TLL1: variants seen among roughly 807,000 people sequenced by gnomAD.
TLL1 encodes tolloid like 1, also known as tolloid-like protein 1.
Under a neutral mutation model 128.2 loss-of-function variants are expected in TLL1, and 49 were observed. That is an observed-to-expected ratio of 0.38 (90% CI 0.30 to 0.48). The LOEUF (loss-of-function observed/expected upper bound fraction) is 0.48, where lower values mean the gene tolerates loss of function less well. TLL1 is among the 20% of genes least tolerant of loss of function. The pLI, the probability that TLL1 is intolerant of heterozygous loss-of-function variation, is 0.96. For missense variants in TLL1, 1,123 were observed against 1,242.0 expected, an observed-to-expected ratio of 0.90 and a Z score of 1.44; for synonymous variants, 454 against 418.8, an observed-to-expected ratio of 1.08 and a Z score of -1.03.
intron 5 of TLL1, among the ~76,000 whole-genome samples, chr4:165,995,591 C>T (rs1445995089): frequency 6.6e-6 from 1 of 152,148 alleles, no homozygotes; most frequent in East Asian, 1.9e-4. Context: ...CATCTCACAC[C>T]TGGTCTGTTT....
intron 9 of TLL1, among the ~76,000 whole-genome samples, chr4:166,033,767 G>C (rs1445853333): frequency 6.6e-6 from 1 of 152,126 alleles, no homozygotes; most frequent in East Asian, 1.9e-4. Context: ...GATGTTGCAT[G>C]GTTCATGCTG....
intron 15 of TLL1, among the ~76,000 whole-genome samples, chr4:166,064,443 A>T (rs942909256): frequency 3.9e-5 from 6 of 152,122 alleles, no homozygotes; most frequent in African/African-American, 7.2e-5. Context: ...TTCTGAAAGC[A>T]TTATTCTCAT....
intron 8 of TLL1, among the ~76,000 whole-genome samples, chr4:166,019,353 C>T (rs1738106099): frequency 6.6e-6 from 1 of 152,126 alleles, no homozygotes. Flanking sequence ...CAGTTAGGTT[C>T]TATGCTCACT....
intron 8 of TLL1, 126 bp from the exon 9 acceptor site, chr4:166,025,190 C>T (rs1738434262): frequency 1.0e-5 from 7 of 674,172 alleles, no homozygotes; most frequent in African/African-American, 1.8e-5. Flanking sequence ...AGAAAGGAAA[C>T]GTCTTCTATA....
At chr4:165,960,604 GTTAA>G (rs1387547563) in intron 1 of TLL1, among the ~76,000 whole-genome samples, 1 of 152,092 alleles carries the variant, frequency 6.6e-6, no homozygotes, top group African/African-American at 2.4e-5. Flanking sequence ...ATATCAAAAA[GTTAA>G]TTCACCACAA....
chr4:165,904,058 T>C (rs1438166361), intron 1 of TLL1, among the ~76,000 whole-genome samples: 1 of 152,178 alleles, frequency 6.6e-6, no homozygotes, highest in East Asian at 1.9e-4. Context: ...TCTTTTGTTA[T>C]TTTGTAATTT....
chr4:166,028,955 A>G lies in TLL1; in HGVS notation c.1158+3524A>G, dbSNP rs527271614. Among the ~76,000 whole-genome samples the G allele has an allele frequency of 3.3e-5, 5 of 151,894 alleles. No individual in the cohort carries two copies. In the South Asian group the frequency reaches 6.2e-4, roughly 19 times the overall value. ...TAATTATAGTGCTTATTTTAATTCT[A>G]TTTATTGTGACTATTGGTGTGTTTT... is the stretch of plus-strand genomic sequence containing the variant. On this transcript the variant is annotated intron_variant, in intron 9 of 20. Coordinates refer to ENST00000061240, the MANE Select transcript of TLL1 (RefSeq NM_012464.5).
chr4:165,945,036 C>T (rs559231471), intron 1 of TLL1, among the ~76,000 whole-genome samples: 13 of 151,972 alleles, frequency 8.6e-5, no homozygotes, highest in Non-Finnish European at 1.9e-4. Context: ...GAGAAGGAAG[C>T]AAGTCCAGGG....
rs144178353 is a variant in TLL1 at position 166,014,673 on chromosome 4, C to T, written c.1042+113C>T. ...TGTCTCCCTCCCTGTTGGCAAGTGA[C>T]GTGTACAGTTCAAAGTCAGTAATCA... is the stretch of plus-strand genomic sequence containing the variant. On this transcript the variant is annotated intron_variant, in intron 8 of 20. Transcript: ENST00000061240. 52 of 1,493,110 alleles carry T rather than the reference C, an allele frequency of 3.5e-5. No individual in the cohort carries two copies. In the African/African-American group the frequency reaches 5.0e-4, roughly 14 times the overall value. The allele number at this position is 1,493,110 out of a possible 1,614,324, so 92.5% of individuals were successfully genotyped here.
In TLL1 at chr4:166,055,225, T is replaced by C. The variant is rs1375002257; in HGVS notation, c.1674T>C (p.Ser558=). The C allele has an allele frequency of 3.1e-6, 5 of 1,613,794 alleles. No individual in the cohort carries two copies. In the Admixed American group the frequency reaches 5.0e-5, roughly 16 times the overall value. ...TSNTLWMKFV[S]DGTVNKAGFA... ...ATACTTTGTGGATGAAGTTTGTTTCTGACGGAACTGTGAACAAAGCAGGGT... is the reference window on the plus strand; with the variant it reads ...ATACTTTGTGGATGAAGTTTGTTTCCGACGGAACTGTGAACAAAGCAGGGT... Residue 558 remains serine, a synonymous_variant, in exon 13 of 21, where the codon TCT becomes TCC. Coordinates refer to ENST00000061240, the MANE Select transcript of TLL1 (RefSeq NM_012464.5).
chr4:165,972,423 G>GT (rs1337972856), intron 1 of TLL1, among the ~76,000 whole-genome samples: 2 of 152,112 alleles, frequency 1.3e-5, no homozygotes, highest in African/African-American at 2.4e-5. Flanking sequence ...CTGGAAATCT[G>GT]TTTTTTCACT....
At chr4:165,919,828 T>G (rs1732967195) in intron 1 of TLL1, 1 of 456,026 alleles carries the variant, frequency 2.2e-6, no homozygotes, top group Non-Finnish European at 4.4e-6. Flanking sequence ...GCTTCTTTAC[T>G]TCCAGACTGA....
At chr4:166,073,962 G>A (rs146005032) in intron 16 of TLL1, among the ~76,000 whole-genome samples, 18 of 152,152 alleles carry the variant, frequency 1.2e-4, no homozygotes, top group Non-Finnish European at 2.1e-4. Flanking sequence ...TCTGAGTGAC[G>A]TGCCATCATG....
At chr4:165,976,069 C>T (rs1029910153) in intron 1 of TLL1, among the ~76,000 whole-genome samples, 3 of 132,808 alleles carry the variant, frequency 2.3e-5, no homozygotes, top group African/African-American at 8.3e-5. Flanking sequence ...GATTATAAGG[C>T]GAGGATTCCT....
chr4:165,943,898 G>A lies in TLL1; in HGVS notation c.170-45483G>A, dbSNP rs148969338. On this transcript the variant is annotated intron_variant, in intron 1 of 20. Transcript: ENST00000061240. Reference sequence around the variant, plus strand: ...TGGTATTATTAGGTTTTCCTATTCCGCTTTCCTTTTAGGAATTGACCTCTT... The same window carrying A: ...TGGTATTATTAGGTTTTCCTATTCCACTTTCCTTTTAGGAATTGACCTCTT... Among the ~76,000 whole-genome samples, 676 of 152,060 alleles carry A rather than the reference G, an allele frequency of 4.4e-3. 5 individuals are homozygous for A. The highest frequency in any genetic ancestry group is 0.013 in the African/African-American group (555 of 41,492).
chr4:166,083,978 G>A (rs185658742), intron 18 of TLL1, among the ~76,000 whole-genome samples: 5 of 152,118 alleles, frequency 3.3e-5, no homozygotes, highest in African/African-American at 9.6e-5. Flanking sequence ...TTTTTCTGAT[G>A]GCTGTACTAA....
intron 1 of TLL1, among the ~76,000 whole-genome samples, chr4:165,958,542 A>G (rs1340629326): frequency 6.7e-6 from 1 of 150,174 alleles, no homozygotes; most frequent in Non-Finnish European, 1.5e-5. Context: ...TCCTTTGCCC[A>G]CTTTTTGATG....
At chr4:166,066,881 T>G (rs1740597462) in intron 16 of TLL1, among the ~76,000 whole-genome samples, 1 of 151,838 alleles carries the variant, frequency 6.6e-6, no homozygotes, top group Non-Finnish European at 1.5e-5. Flanking sequence ...ATTCAAAGTA[T>G]AGTTTTAATA....
intron 12 of TLL1, among the ~76,000 whole-genome samples, chr4:166,049,647 GTGT>G (rs1383151611): frequency 5.3e-5 from 8 of 151,016 alleles, no homozygotes; most frequent in South Asian, 4.2e-4. Flanking sequence ...AATTATTCAT[GTGT>G]TGTGTCAACT....
Sources: gnomAD v4.1 joint callset for allele counts (sites outside exome capture counted in the v4.1 genomes callset) on GRCh38, gnomAD v4.1.1 for gene constraint, MANE v1.5 for transcripts, NCBI Gene and HGNC (gene_info 2026-07-23, HGNC 2026-07-21) for gene names.